The following IGSF6 variants were observed in gnomAD, a reference collection of about 807,000 sequenced individuals.
IGSF6 encodes immunoglobulin superfamily member 6, also known as down-regulated by activation (immunoglobulin superfamily).
A neutral mutation model predicts 24.7 loss-of-function variants in IGSF6; 23 were observed. The ratio of observed to expected loss-of-function variants is 0.93; its 90% CI spans 0.67 to 1.32. The LOEUF is 1.32. IGSF6 is among the 40% of genes most tolerant of loss of function. The pLI is 0.00. For missense variants in IGSF6, 295 were observed against 293.6 expected (o/e 1.00, Z -0.04); for synonymous variants, 110 against 113.7 (o/e 0.97, Z 0.21).
Position 21,640,168 on chromosome 16 carries a change from G to A in IGSF6, c.*1366C>T, listed in dbSNP as rs1597778535. On this transcript the variant is annotated 3_prime_UTR_variant, in exon 6 of 6. Coordinates refer to ENST00000268389, the MANE Select transcript of IGSF6 (RefSeq NM_005849.4). ...TTGTTCAGGCTGGTCTCGAACTCCT[G>A]ATCTCATGATTCACCTGCCTCAGCC... The A allele has an allele frequency of 2.6e-5, 4 of 151,908 alleles. No homozygotes were observed. The highest frequency in any genetic ancestry group is 6.6e-5 in the Admixed American group (1 of 15,260). 9.4% of individuals were successfully genotyped at this position (151,908 alleles called of 1,614,324 possible). A position where few individuals can be genotyped will look rare whatever the true frequency, so the allele number is the denominator to read the frequency against.
At chr16:21,646,217 T>C (rs1385061410) in intron 2 of IGSF6, among the ~76,000 whole-genome samples, 2 of 152,012 alleles carry the variant, frequency 1.3e-5, no homozygotes, top group African/African-American at 2.4e-5. Context: ...CTTGGTGAAA[T>C]TACTGATAGG....
At chr16:21,649,795 G>A (rs1966521027) in intron 1 of IGSF6, among the ~76,000 whole-genome samples, 1 of 152,140 alleles carries the variant, frequency 6.6e-6, no homozygotes, top group South Asian at 2.1e-4. Context: ...TGTAGCCTTT[G>A]TCTTCTGGGC....
At chr16:21,649,735 C>A (rs909158314) in intron 1 of IGSF6, among the ~76,000 whole-genome samples, 1 of 152,076 alleles carries the variant, frequency 6.6e-6, no homozygotes, top group African/African-American at 2.4e-5. Flanking sequence ...GATAGGGTCC[C>A]ACTGTGTCGC....
rs1966453650 is a variant in IGSF6 at position 21,647,238 on chromosome 16, C to G, written c.322G>C (p.Val108Leu). The G allele has an allele frequency of 1.2e-6, 2 of 1,614,052 alleles. No homozygotes were observed. Among genetic ancestry groups the G allele is most frequent in the East Asian group, 4.5e-5 (2 of 44,882 alleles). The change falls in exon 2 of 6, where the codon GTG becomes CTG. Residue 108 changes from valine to leucine, a missense_variant. Physicochemically the swap from Val to Leu is conservative, Grantham distance 32. Coordinates refer to ENST00000268389, the MANE Select transcript of IGSF6 (RefSeq NM_005849.4). ...TAAATTGCACTGTCATTTGAAGTCA[C>G]TCTGTTTACAGTGAGGGAAACTTGG... ...ENQVSLTVNRVTSNDSAIYIC... is the reference protein window; with the variant it reads ...ENQVSLTVNRLTSNDSAIYIC...
intron 2 of IGSF6, among the ~76,000 whole-genome samples, chr16:21,645,613 G>GA (rs1190886194): frequency 1.3e-5 from 2 of 152,164 alleles, no homozygotes; most frequent in Non-Finnish European, 2.9e-5. Context: ...GAAGAGACAG[G>GA]AAGTTGCCAT....
chr16:21,641,393 A>G lies in IGSF6; in HGVS notation c.*141T>C. The G allele has an allele frequency of 2.1e-6, 1 of 481,332 alleles. No homozygotes were observed. Among genetic ancestry groups the G allele is most frequent in the Admixed American group, 4.1e-5 (1 of 24,636 alleles). 29.8% of individuals were successfully genotyped at this position (481,332 alleles called of 1,614,324 possible). On this transcript the variant is annotated 3_prime_UTR_variant, in exon 6 of 6. Transcript: ENST00000268389. ...TGACTATTAGTTATAGTTTCCTTAC[A>G]TTCTGACATCCTTCTTTGTAGCCAG...
At chr16:21,646,466 C>G (rs931231267) in intron 2 of IGSF6, 5 of 156,510 alleles carry the variant, frequency 3.2e-5, no homozygotes, top group African/African-American at 1.2e-4. Flanking sequence ...TGGTGCATTA[C>G]CAGACTAGTT....
chr16:21,641,245 C>T lies in IGSF6; in HGVS notation c.*289G>A, dbSNP rs533443477. Reference sequence around the variant, plus strand: ...GGCTTCAGATCTTCAGGATGGCAGTCATCACACATCTCATGTTGAATGAAA... The same window carrying T: ...GGCTTCAGATCTTCAGGATGGCAGTTATCACACATCTCATGTTGAATGAAA... On this transcript the variant is annotated 3_prime_UTR_variant, in exon 6 of 6. Coordinates refer to ENST00000268389, the MANE Select transcript of IGSF6 (RefSeq NM_005849.4). 1.9e-5 allele frequency: 4 copies of T among 215,204 alleles called. No individual in the cohort carries two copies. In the South Asian group the frequency reaches 4.8e-4, roughly 26 times the overall value. 13.3% of individuals were successfully genotyped at this position (215,204 alleles called of 1,614,324 possible).
In IGSF6 at chr16:21,651,295, A is replaced by G. The variant is rs909946604; in HGVS notation, c.67+1237T>C. On this transcript the variant is annotated intron_variant, in intron 1 of 5. Coordinates refer to ENST00000268389, the MANE Select transcript of IGSF6 (RefSeq NM_005849.4). ...GACATTTAAACAAAGCTGTCTCTCT[A>G]TCTAGTAAGTAAGAAGTAAGTAAAT... Among the ~76,000 whole-genome samples the G allele has an allele frequency of 7.2e-5, 11 of 152,134 alleles. No individual in the cohort carries two copies. The East Asian group carries it at 7.7e-4, about 11-fold the overall frequency.
At chr16:21,648,488 G>C (rs1028853018) in intron 1 of IGSF6, among the ~76,000 whole-genome samples, 4 of 152,202 alleles carry the variant, frequency 2.6e-5, no homozygotes, top group African/African-American at 4.8e-5. Context: ...ATGGCTGTTG[G>C]AGAGATGGTT....
In IGSF6 at chr16:21,639,812, T is replaced by C. The variant is rs1966200106; in HGVS notation, c.*1722A>G. The C allele has an allele frequency of 1.3e-5, 2 of 152,208 alleles. No individual in the cohort carries two copies. The highest frequency in any genetic ancestry group is 2.1e-4 in the South Asian group (1 of 4,836). The allele number at this position is 152,208 out of a possible 1,614,324, so 9.4% of individuals were successfully genotyped here. A position where few individuals can be genotyped will look rare whatever the true frequency, so the allele number is the denominator to read the frequency against. ...TAGGATCAGGAAAGTTTGATATCAC[T>C]GATTTAAACCATCAATGCAAAAACA... On this transcript the variant is annotated 3_prime_UTR_variant, in exon 6 of 6. Coordinates refer to ENST00000268389, the MANE Select transcript of IGSF6 (RefSeq NM_005849.4).
chr16:21,647,593 C>T, intron 1 of IGSF6, 101 bp from the exon 2 acceptor site: 2 of 1,408,828 alleles, frequency 1.4e-6, no homozygotes, highest in Non-Finnish European at 1.9e-6. Context: ...TGTTATTTTT[C>T]TTACCTTAAT....
intron 1 of IGSF6, among the ~76,000 whole-genome samples, chr16:21,647,759 C>T (rs530978166): frequency 6.6e-6 from 1 of 152,256 alleles, no homozygotes; most frequent in East Asian, 1.9e-4. Flanking sequence ...GTGCAGGAGG[C>T]CTGCATAGAG....
intron 1 of IGSF6, among the ~76,000 whole-genome samples, chr16:21,649,633 C>G (rs1966517386): frequency 1.3e-5 from 2 of 152,196 alleles, no homozygotes; most frequent in African/African-American, 4.8e-5. Context: ...GTCTCAGTCT[C>G]AAGTCATCTT....
chr16:21,644,142 T>G, intron 3 of IGSF6, 148 bp downstream of exon 3: 1 of 600,282 alleles, frequency 1.7e-6, no homozygotes, highest in Non-Finnish European at 3.0e-6. Flanking sequence ...AGACCTCTTC[T>G]GCAGGTGGTG....
chr16:21,645,666 A>C (rs552192571), intron 2 of IGSF6, among the ~76,000 whole-genome samples: 1 of 152,266 alleles, frequency 6.6e-6, no homozygotes, highest in African/African-American at 2.4e-5. Flanking sequence ...CTTTCACTTC[A>C]CTTTATATAA....
In IGSF6 at chr16:21,644,307, A is replaced by T. The variant is rs797004510; in HGVS notation, c.517T>A (p.Phe173Ile). ...TGACTTACTTTGGAGAGGAGTATGA[A>T]GGCCACGCACACACCGGTCACATAG... ...SVYVTGVCVA[F>I]ILLSKSKSNP... The change falls in exon 3 of 6, where the codon TTC (phenylalanine) becomes ATC (isoleucine). Residue 173 changes from phenylalanine to isoleucine, a missense_variant. Physicochemically the swap from Phe to Ile is conservative, Grantham distance 21. Transcript: ENST00000268389. 2.5e-6 allele frequency: 4 copies of T among 1,612,482 alleles called. No homozygotes were observed. In the African/African-American group the frequency reaches 5.3e-5, roughly 21 times the overall value.
In IGSF6 at chr16:21,643,534, G is replaced by C; in HGVS notation, c.585+14C>G. ...CCACAATTTAAAAAATATTTTTCAA[G>C]TGTTGGTCTGTACCTTTTGTGAGTC... On this transcript the variant is annotated intron_variant, in intron 4 of 5. Transcript: ENST00000268389. 6.5e-7 allele frequency: 1 copy of C among 1,540,342 alleles called. No individual in the cohort carries two copies. The highest frequency in any genetic ancestry group is 8.9e-7 in the Non-Finnish European group (1 of 1,121,244).
At chr16:21,650,238 G>A (rs551007867) in intron 1 of IGSF6, among the ~76,000 whole-genome samples, 1 of 152,312 alleles carries the variant, frequency 6.6e-6, no homozygotes, top group South Asian at 2.1e-4. Flanking sequence ...TGGGCATGGT[G>A]GCTCACGCCT....
Sources: allele counts gnomAD v4.1 joint callset (sites outside exome capture counted in the v4.1 genomes callset), GRCh38; gene constraint gnomAD v4.1.1; transcripts MANE v1.5; gene names NCBI Gene and HGNC (gene_info 2026-07-23, HGNC 2026-07-21).